Variants in TMEM132D observed in about 807,000 individuals in gnomAD.
The protein encoded by TMEM132D is mature OL transmembrane protein.
TMEM132D carries 21 observed loss-of-function variants against 62.3 expected under a neutral mutation model. The ratio of observed to expected loss-of-function variants is 0.34; its 90% CI spans 0.24 to 0.49. The LOEUF (loss-of-function observed/expected upper bound fraction) is 0.49. TMEM132D is among the 20% of genes least tolerant of loss of function. The pLI, the probability that TMEM132D is intolerant of heterozygous loss-of-function variation, is 0.99. For synonymous variants in TMEM132D, 621 were observed against 575.6 expected, an observed-to-expected ratio of 1.08 and a Z score of -1.13; for missense variants, 1,346 against 1,402.8, an observed-to-expected ratio of 0.96 and a Z score of 0.65.
Position 129,638,200 on chromosome 12 carries a change from C to T in TMEM132D, c.968+61610G>A, listed in dbSNP as rs114619566. On this transcript the variant is annotated intron_variant, in intron 2 of 8. Coordinates refer to ENST00000422113, the MANE Select transcript of TMEM132D (RefSeq NM_133448.3). ...TGGAGAATGGCTGGAGCCATGTGTCCTTACCCGTTTTATTAATTTGGTCTG... is the reference window on the plus strand; with the variant it reads ...TGGAGAATGGCTGGAGCCATGTGTCTTTACCCGTTTTATTAATTTGGTCTG... 4.7e-3 allele frequency among the ~76,000 whole-genome samples: 721 copies of T among 152,290 alleles called. 6 individuals carry two copies. Among genetic ancestry groups the T allele is most frequent in the Middle Eastern group, 0.017 (5 of 294 alleles).
chr12:129,276,233 C>T (rs1446765137), intron 4 of TMEM132D, among the ~76,000 whole-genome samples: 2 of 152,176 alleles, frequency 1.3e-5, no homozygotes, highest in African/African-American at 4.8e-5. Flanking sequence ...CGTGGAATTT[C>T]TCTTCGTATT....
At chr12:129,749,715 T>A (rs1048239099) in intron 1 of TMEM132D, among the ~76,000 whole-genome samples, 5 of 152,080 alleles carry the variant, frequency 3.3e-5, no homozygotes, top group African/African-American at 1.2e-4. Flanking sequence ...TCTGCCCGCC[T>A]CGGCCTCCCA....
intron 2 of TMEM132D, among the ~76,000 whole-genome samples, chr12:129,598,628 A>G (rs919007814): frequency 1.3e-5 from 2 of 152,240 alleles, no homozygotes; most frequent in African/African-American, 4.8e-5. Context: ...CCAAAGAAAT[A>G]CTACAATCCT....
chr12:129,281,008 T>G (rs1350290806), intron 4 of TMEM132D, among the ~76,000 whole-genome samples: 1 of 152,136 alleles, frequency 6.6e-6, no homozygotes, highest in Non-Finnish European at 1.5e-5. Flanking sequence ...CCATCTATAC[T>G]CTTTACTCCT....
intron 2 of TMEM132D, among the ~76,000 whole-genome samples, chr12:129,586,589 C>T (rs1593076895): frequency 6.6e-6 from 1 of 152,160 alleles, no homozygotes; most frequent in Non-Finnish European, 1.5e-5. Flanking sequence ...GCTCATGTGG[C>T]AAGGAGAAGA....
At chr12:129,363,209 C>G (rs1870306506) in intron 3 of TMEM132D, among the ~76,000 whole-genome samples, 1 of 152,148 alleles carries the variant, frequency 6.6e-6, no homozygotes, top group Non-Finnish European at 1.5e-5. Context: ...CATCACAGCT[C>G]ACATGTGACA....
At chr12:129,078,449 G>C (rs114755777) in intron 8 of TMEM132D, 85 bp downstream of exon 8, 9 of 1,396,292 alleles carry the variant, frequency 6.4e-6, no homozygotes, top group Non-Finnish European at 7.9e-6. Flanking sequence ...TCTATTGTGC[G>C]ACCCGCCTGG....
chr12:129,817,981 G>A (rs1365109358), intron 1 of TMEM132D, among the ~76,000 whole-genome samples: 6 of 148,408 alleles, frequency 4.0e-5, no homozygotes, highest in African/African-American at 7.4e-5. Context: ...ATGTGTGTGT[G>A]GTGTGTGTGT....
At chr12:129,324,847 T>G (rs1868849800) in intron 4 of TMEM132D, among the ~76,000 whole-genome samples, 1 of 151,982 alleles carries the variant, frequency 6.6e-6, no homozygotes, top group African/African-American at 2.4e-5. Context: ...AGAAAAAAAG[T>G]GATAACTACT....
intron 4 of TMEM132D, among the ~76,000 whole-genome samples, chr12:129,306,243 C>T (rs1043558510): frequency 1.3e-5 from 2 of 152,120 alleles, no homozygotes; most frequent in Admixed American, 6.5e-5. Flanking sequence ...TCACAACATC[C>T]ATGCAAAATT....
chr12:129,238,812 A>G (rs1279169238), intron 4 of TMEM132D, among the ~76,000 whole-genome samples: 1 of 152,138 alleles, frequency 6.6e-6, no homozygotes, highest in African/African-American at 2.4e-5. Context: ...TCCCTTTGTG[A>G]CCTTGCTGTC....
chr12:129,554,296 C>T (rs1300371387), intron 2 of TMEM132D, among the ~76,000 whole-genome samples: 1 of 152,112 alleles, frequency 6.6e-6, no homozygotes, highest in Non-Finnish European at 1.5e-5. Flanking sequence ...ATTTGTTTCT[C>T]CCAGTAATTT....
intron 3 of TMEM132D, among the ~76,000 whole-genome samples, chr12:129,499,433 C>G (rs1875059018): frequency 6.6e-6 from 1 of 152,216 alleles, no homozygotes; most frequent in Non-Finnish European, 1.5e-5. Context: ...TTCAGCTACT[C>G]TCTGTGTTTC....
chr12:129,256,726 T>C (rs1293148337), intron 4 of TMEM132D, among the ~76,000 whole-genome samples: 2 of 152,112 alleles, frequency 1.3e-5, no homozygotes, highest in African/African-American at 4.8e-5. Flanking sequence ...CTAGCTAATT[T>C]TTGTATTTTT....
intron 5 of TMEM132D, among the ~76,000 whole-genome samples, chr12:129,167,310 C>T (rs755762343): frequency 1.8e-4 from 28 of 152,104 alleles, no homozygotes; most frequent in Non-Finnish European, 4.4e-5. Flanking sequence ...CTCCCAGGAA[C>T]CAGGGGCCCA....
chr12:129,548,392 T>C (rs986645830), intron 2 of TMEM132D, among the ~76,000 whole-genome samples: 1 of 152,168 alleles, frequency 6.6e-6, no homozygotes, highest in Admixed American at 6.5e-5. Context: ...CCTTGGAGTA[T>C]AATAAAATCT....
intron 2 of TMEM132D, among the ~76,000 whole-genome samples, chr12:129,540,048 G>C (rs1040141293): frequency 7.4e-6 from 1 of 134,416 alleles, no homozygotes; most frequent in African/African-American, 2.9e-5. Context: ...ACTCCATTAA[G>C]CCTAGTCTGT....
At chr12:129,264,132 T>G (rs2135596835) in intron 4 of TMEM132D, among the ~76,000 whole-genome samples, 1 of 152,338 alleles carries the variant, frequency 6.6e-6, no homozygotes, top group East Asian at 1.9e-4. Flanking sequence ...CTCATGCCTC[T>G]AATCCCAGCA....
chr12:129,845,180 A>G (rs1873322839), intron 1 of TMEM132D, among the ~76,000 whole-genome samples: 1 of 152,238 alleles, frequency 6.6e-6, no homozygotes, highest in Non-Finnish European at 1.5e-5. Context: ...GTATGGATAC[A>G]TATATTTAAA....
Sources: allele counts gnomAD v4.1 joint callset (sites outside exome capture counted in the v4.1 genomes callset), GRCh38; gene constraint gnomAD v4.1.1; transcripts MANE v1.5; gene names NCBI Gene and HGNC (gene_info 2026-07-23, HGNC 2026-07-21).